The following CERCAM variants were observed in gnomAD, a reference collection of about 807,000 sequenced individuals.
CERCAM encodes the protein inactive glycosyltransferase 25 family member 3.
Under a neutral mutation model 66.0 loss-of-function variants are expected in CERCAM, and 59 were observed. The ratio of observed to expected loss-of-function variants is 0.89; its 90% confidence interval spans 0.73 to 1.11. The LOEUF (loss-of-function observed/expected upper bound fraction) is 1.11, where lower values mean the gene tolerates loss of function less well. Ranked by LOEUF, CERCAM falls within the 50% of genes most tolerant of loss-of-function variation. CERCAM has a pLI of 0.00. For missense variants in CERCAM, 840 were observed against 828.3 expected (o/e 1.01, Z -0.17); for synonymous variants, 318 against 343.6 (o/e 0.93, Z 0.83).
At chr9:128,431,823 A>T (rs1833983284) in intron 9 of CERCAM, 1 of 153,964 alleles carries the variant, frequency 6.5e-6, no homozygotes, top group African/African-American at 2.4e-5. Context: ...GGGGCTTAGC[A>T]TGTGCTCAGT....
chr9:128,424,706 C>A lies in CERCAM; in HGVS notation c.766+92C>A. 16 of 1,161,076 alleles carry A rather than the reference C, an allele frequency of 1.4e-5. No individual in the cohort carries two copies. In the South Asian group the frequency reaches 1.9e-4, roughly 14 times the overall value. The allele number at this position is 1,161,076 out of a possible 1,614,324, so 71.9% of individuals were successfully genotyped here. A position where few individuals can be genotyped will look rare whatever the true frequency, so the allele number is the denominator to read the frequency against. ...GCTTACCATGCCCTTCCCTACTCTGCATTTCATCCTGTTAACCCATGAGTT... is the reference window on the plus strand; with the variant it reads ...GCTTACCATGCCCTTCCCTACTCTGAATTTCATCCTGTTAACCCATGAGTT... On this transcript the variant is annotated intron_variant, in intron 5 of 12. Transcript: ENST00000372838.
At chr9:128,424,335 A>G in intron 4 of CERCAM, 63 bp downstream of exon 4, 2 of 1,612,154 alleles carry the variant, frequency 1.2e-6, no homozygotes, top group Admixed American at 1.7e-5. Flanking sequence ...TGGAGAGCAG[A>G]GAGCCTGAGG....
At chr9:128,425,072 T>C (rs1833811362) in intron 5 of CERCAM, among the ~76,000 whole-genome samples, 1 of 149,594 alleles carries the variant, frequency 6.7e-6, no homozygotes, top group Admixed American at 6.7e-5. Context: ...TTGTTGTTGT[T>C]TTTGGGACAG....
In CERCAM at chr9:128,434,072, A is replaced by G; in HGVS notation, c.1204-30A>G. ...GGAGGGGGGTTGTTTAACTCCGAAG[A>G]GCCATCTCCCACCCCATTGTATGCC... On this transcript the variant is annotated intron_variant, in intron 9 of 12. Coordinates refer to ENST00000372838, the MANE Select transcript of CERCAM (RefSeq NM_016174.5). The surrounding 1 kb of genome is among the most constrained non-coding windows in gnomAD (Gnocchi z 4.5). 6.2e-7 allele frequency: 1 copy of G among 1,612,404 alleles called. No homozygotes were observed. The highest frequency in any genetic ancestry group is 1.1e-5 in the South Asian group (1 of 90,864).
chr9:128,436,005 C>T, intron 12 of CERCAM, 100 bp downstream of exon 12: 1 of 1,237,252 alleles, frequency 8.1e-7, no homozygotes, highest in Non-Finnish European at 1.1e-6. Flanking sequence ...CCTTCTCAGC[C>T]TTCTCTCTCC....
At chr9:128,432,782 G>A (rs935401058) in intron 9 of CERCAM, among the ~76,000 whole-genome samples, 15 of 152,094 alleles carry the variant, frequency 9.9e-5, no homozygotes, top group Admixed American at 2.6e-4. Context: ...GTTATCAAAA[G>A]TACTTTTTCT....
intron 5 of CERCAM, among the ~76,000 whole-genome samples, chr9:128,425,218 G>A (rs1388918944): frequency 7.9e-5 from 12 of 151,060 alleles, no homozygotes; most frequent in South Asian, 6.3e-4. Flanking sequence ...CACCACGCCC[G>A]GCTAATTTTT....
At position 128,428,765 on chromosome 9, in the gene CERCAM, C is replaced by T; in HGVS notation, c.895C>T (p.Pro299Ser). The T allele has an allele frequency of 1.2e-6, 2 of 1,613,922 alleles. No individual in the cohort carries two copies. The highest frequency in any genetic ancestry group is 3.3e-5 in the Admixed American group (2 of 60,000). Residue 299 changes from proline (P) to serine (S), a missense_variant, in exon 7 of 13, where the codon CCC becomes TCC. Transcript: ENST00000372838. ...TGTGCTTCCCTTTGCAGTGGACGGC[C>T]CCCGCATGCAGGCCTCAGCTCATGT... ...HLILEALVDGPRMQASAHVTR... is the reference protein window; with the variant it reads ...HLILEALVDGSRMQASAHVTR...
upstream of CERCAM, chr9:128,419,659 TG>T (rs1200209896): frequency 6.6e-6 from 1 of 152,278 alleles, no homozygotes; most frequent in Non-Finnish European, 1.5e-5. Context: ...ATCCCATCTG[TG>T]GTGCCGCCAG....
At chr9:128,424,366 G>C in intron 4 of CERCAM, 44 bp from the exon 5 acceptor site, 2 of 1,612,886 alleles carry the variant, frequency 1.2e-6, no homozygotes, top group Non-Finnish European at 1.7e-6. Flanking sequence ...TGTGGGCAGG[G>C]GCAGGGGAGC....
chr9:128,424,526 A>G lies in CERCAM; in HGVS notation c.678A>G (p.Ala226=), dbSNP rs1230086955. ...TFLASLRAEG[A]DQLAFYPPHP... is the part of the protein sequence containing the mutation. ...TTGCATCCCTGCGGGCTGAAGGGGCAGACCAGCTTGCTTTCTACCCGCCAC... is the reference window on the plus strand; with the variant it reads ...TTGCATCCCTGCGGGCTGAAGGGGCGGACCAGCTTGCTTTCTACCCGCCAC... The change falls in exon 5 of 13, where the codon GCA becomes GCG. Residue 226 remains alanine (A), a synonymous_variant. Transcript: ENST00000372838. The G allele has an allele frequency of 3.1e-6, 5 of 1,613,878 alleles. No homozygotes were observed. In the East Asian group the frequency reaches 1.1e-4, roughly 36 times the overall value.
chr9:128,423,367 A>C (rs1179621230), intron 3 of CERCAM, 104 bp downstream of exon 3: 4 of 969,822 alleles, frequency 4.1e-6, no homozygotes, highest in Non-Finnish European at 6.3e-6. Flanking sequence ...CTATAATCCT[A>C]GCACTTTGGG....
At chr9:128,424,052 T>C in intron 3 of CERCAM, 86 bp from the exon 4 acceptor site, 1 of 1,473,948 alleles carries the variant, frequency 6.8e-7, no homozygotes, top group South Asian at 1.3e-5. Flanking sequence ...GGAGCCACGC[T>C]GGGTCTCTGG....
chr9:128,434,546 TCA>T lies in CERCAM; in HGVS notation c.1471_1472del (p.Gln491AlafsTer57), dbSNP rs761057114. Reference protein sequence around the residue: ...RLAGARKLLASQPLRRMLPVD... With the variant: ...RLAGARKLLAXQPLRRMLPVD... Reference sequence around the variant, plus strand: ...GGCGGGTGCCCGCAAGCTGCTGGCCTCACAGCCTCTGCGCCGCATGCTGCCCG... The same window carrying T: ...GGCGGGTGCCCGCAAGCTGCTGGCCTCAGCCTCTGCGCCGCATGCTGCCCG... On this transcript the variant is annotated frameshift_variant, in exon 11 of 13. Transcript: ENST00000372838. LOFTEE classifies it high-confidence loss of function. This position sits in a 1 kb window ranked among gnomAD's most constrained non-coding sequence, Gnocchi z 4.5. 6.4e-5 allele frequency: 103 copies of T among 1,612,188 alleles called. No homozygotes were observed. The highest frequency in any genetic ancestry group is 5.0e-4 in the Middle Eastern group (3 of 6,042).
At chr9:128,425,010 A>G (rs1588617518) in intron 5 of CERCAM, among the ~76,000 whole-genome samples, 2 of 128,714 alleles carry the variant, frequency 1.6e-5, no homozygotes, top group African/African-American at 8.0e-5. Context: ...GGTGTGAGCC[A>G]CCCGCCCAGC....
At chr9:128,431,606 G>A (rs1833978901) in intron 9 of CERCAM, 1 of 311,486 alleles carries the variant, frequency 3.2e-6, no homozygotes. Context: ...TGGGGCTCAG[G>A]GACCAGAGCG....
chr9:128,435,927 G>A (rs1178467947), intron 12 of CERCAM, 22 bp downstream of exon 12: 2 of 1,583,288 alleles, frequency 1.3e-6, no homozygotes, highest in East Asian at 4.5e-5. Flanking sequence ...GCGGGAAGAG[G>A]CCCCAGCCCC....
Position 128,420,930 on chromosome 9 carries a change from C to A in CERCAM, c.53C>A (p.Pro18Gln). The part of the protein sequence containing the change: ...PLLQLLLLLG[P>Q]WLEAAGVAES... ...CTCCAGCTGCTGCTCCTGCTGGGGCCGTGGCTGGAGGCTGCGGGCGTTGCG... is the reference window on the plus strand; with the variant it reads ...CTCCAGCTGCTGCTCCTGCTGGGGCAGTGGCTGGAGGCTGCGGGCGTTGCG... Residue 18 changes from proline to glutamine, a missense_variant, in exon 1 of 13, where the codon CCG (proline) becomes CAG (glutamine). By Grantham distance (76) the Pro-to-Gln change is moderately conservative. Coordinates refer to ENST00000372838, the MANE Select transcript of CERCAM (RefSeq NM_016174.5). The surrounding 1 kb of genome is among the most constrained non-coding windows in gnomAD (Gnocchi z 5.0). 1.4e-6 allele frequency: 2 copies of A among 1,439,130 alleles called. No homozygotes were observed. The highest frequency in any genetic ancestry group is 1.8e-6 in the Non-Finnish European group (2 of 1,097,518). The allele number at this position is 1,439,130 out of a possible 1,614,324, so 89.1% of individuals were successfully genotyped here.
At position 128,428,424 on chromosome 9, in the gene CERCAM, G is replaced by A; in HGVS notation, c.886+3G>A. The A allele has an allele frequency of 6.2e-7, 1 of 1,613,894 alleles. No homozygotes were observed. The highest frequency in any genetic ancestry group is 1.1e-5 in the South Asian group (1 of 91,052). On this transcript the variant is annotated splice_donor_region_variant and intron_variant, in intron 6 of 12. Coordinates refer to ENST00000372838, the MANE Select transcript of CERCAM (RefSeq NM_016174.5). ...CCACCTGATCTTAGAAGCACTAGGT[G>A]AGGGCTGGGGAACTGTTCCACCCAC... is the stretch of plus-strand genomic sequence containing the variant.
Sources: gnomAD v4.1 joint callset for allele counts (sites outside exome capture counted in the v4.1 genomes callset) on GRCh38, gnomAD v4.1.1 for gene constraint, Gnocchi (gnomAD v3.1) non-coding constraint, MANE v1.5 for transcripts, NCBI Gene and HGNC (gene_info 2026-07-23, HGNC 2026-07-21) for gene names.